AGAP1: variants seen among roughly 807,000 people sequenced by gnomAD.
The protein encoded by AGAP1 is arf-GAP with GTPase, ANK repeat and PH domain-containing protein 1.
AGAP1 carries 29 observed loss-of-function variants against 105.3 expected under a neutral mutation model. The observed-to-expected ratio is 0.28, with a 90% CI of 0.21 to 0.38. AGAP1 has a LOEUF of 0.38. Among genes scored for constraint, AGAP1 ranks in the 10% least tolerant of loss-of-function variants. The pLI is 1.00. For synonymous variants in AGAP1, 509 were observed against 485.9 expected (o/e 1.05, Z -0.63); for missense variants, 998 against 1,165.1 (o/e 0.86, Z 2.09).
intron 1 of AGAP1, among the ~76,000 whole-genome samples, chr2:235,565,704 G>A (rs985612941): frequency 6.6e-6 from 1 of 151,976 alleles, no homozygotes; most frequent in Non-Finnish European, 1.5e-5. Context: ...TCTGTCACCC[G>A]GGGTGGAGTG....
intron 1 of AGAP1, among the ~76,000 whole-genome samples, chr2:235,604,572 C>CTTTTTTTTTTTTTTTTTTT (rs1166523228): frequency 2.6e-4 from 18 of 69,680 alleles, no homozygotes; most frequent in African/African-American, 2.7e-4. Flanking sequence ...TTTTTATTAT[C>CTTTTTTTTTTTTTTTTTTT]TTTTTTTTTT....
In AGAP1 at chr2:235,964,277, A is replaced by G. The variant is rs1346484301; in HGVS notation, c.1484-4185A>G. On this transcript the variant is annotated intron_variant, in intron 12 of 17. Transcript: ENST00000304032. This position sits in a 1 kb window ranked among gnomAD's most constrained non-coding sequence, Gnocchi z 4.6. ...GACAGAGTAAAATAATATGATTTTA[A>G]TATAATAATATTACTTAATAGCGGC... 6.6e-6 allele frequency among the ~76,000 whole-genome samples: 1 copy of G among 152,204 alleles called. No homozygotes were observed. The highest frequency in any genetic ancestry group is 2.4e-5 in the African/African-American group (1 of 41,446).
chr2:235,778,094 T>C (rs1214073623), intron 6 of AGAP1, among the ~76,000 whole-genome samples: 1 of 152,148 alleles, frequency 6.6e-6, no homozygotes, highest in African/African-American at 2.4e-5. Flanking sequence ...AGCTGTGTCC[T>C]TGACATCACA....
Position 235,659,138 on chromosome 2 carries a change from C to G in AGAP1, c.164-50041C>G, listed in dbSNP as rs1461256959. On this transcript the variant is annotated intron_variant, in intron 1 of 17. Transcript: ENST00000304032. This position sits in a 1 kb window ranked among gnomAD's most constrained non-coding sequence, Gnocchi z 5.0. ...GGGGAAGGCCCTGGAGCTGGATTCC[C>G]ACACCCTGCCGAGTTTGTGCGTTTC... Among the ~76,000 whole-genome samples the G allele has an allele frequency of 6.6e-6, 1 of 152,234 alleles. No individual in the cohort carries two copies. The highest frequency in any genetic ancestry group is 1.5e-5 in the Non-Finnish European group (1 of 68,040).
intron 1 of AGAP1, among the ~76,000 whole-genome samples, chr2:235,681,047 C>T (rs568802842): frequency 3.9e-5 from 6 of 152,136 alleles, no homozygotes; most frequent in South Asian, 2.1e-4. Context: ...GTCGCTCTGT[C>T]GCCCAGGCTG....
In AGAP1 at chr2:235,967,208, G is replaced by A. The variant is rs565935488; in HGVS notation, c.1484-1254G>A. Among the ~76,000 whole-genome samples, 1 of 152,228 alleles carries A rather than the reference G, an allele frequency of 6.6e-6. No homozygotes were observed. The highest frequency in any genetic ancestry group is 1.9e-4 in the East Asian group (1 of 5,172). On this transcript the variant is annotated intron_variant, in intron 12 of 17. Transcript: ENST00000304032. The surrounding 1 kb of genome is among the most constrained non-coding windows in gnomAD (Gnocchi z 4.7). ...ACACCAGGCTCCCTCCTTGGAGCCA[G>A]GCTCTGACTGTTTCTCTGCTCTCAT...
chr2:235,710,535 C>G (rs569457396), intron 2 of AGAP1, among the ~76,000 whole-genome samples: 1 of 152,308 alleles, frequency 6.6e-6, no homozygotes, highest in East Asian at 1.9e-4. Flanking sequence ...TCTGGGCTGT[C>G]TCTGCAGCAC....
chr2:235,680,783 T>C (rs1949022350), intron 1 of AGAP1, among the ~76,000 whole-genome samples: 1 of 152,192 alleles, frequency 6.6e-6, no homozygotes, highest in South Asian at 2.1e-4. Flanking sequence ...CAGAATTGCC[T>C]GGCCTGGTGG....
rs2058099353 is a variant in AGAP1, at chr2:236,058,217, A to G, written c.2114+8936A>G. On this transcript the variant is annotated intron_variant, in intron 16 of 17. Coordinates refer to ENST00000304032, the MANE Select transcript of AGAP1 (RefSeq NM_001037131.3). The surrounding 1 kb of genome is among the most constrained non-coding windows in gnomAD (Gnocchi z 4.6). ...TAAAAGTCCACAATCTTGCCTGTGA[A>G]CTCACTGTGTTAATCCAAGTCCCTG... Among the ~76,000 whole-genome samples the G allele has an allele frequency of 6.6e-6, 1 of 152,104 alleles. No homozygotes were observed. Among genetic ancestry groups the G allele is most frequent in the Non-Finnish European group, 1.5e-5 (1 of 68,028 alleles).
At chr2:235,634,930 C>T (rs1201177217) in intron 1 of AGAP1, among the ~76,000 whole-genome samples, 1 of 152,076 alleles carries the variant, frequency 6.6e-6, no homozygotes, top group African/African-American at 2.4e-5. Context: ...ATGGAGCAGA[C>T]AGTGCCTGGT....
At chr2:235,945,826 G>T (rs1020525873) in intron 12 of AGAP1, among the ~76,000 whole-genome samples, 1 of 150,684 alleles carries the variant, frequency 6.6e-6, no homozygotes, top group East Asian at 2.0e-4. Flanking sequence ...CTTCCGGGGG[G>T]GTGCCTCGGG....
rs867377891 is a variant in AGAP1 at position 236,055,611 on chromosome 2, C to T, written c.2114+6330C>T. Among the ~76,000 whole-genome samples, 3 of 152,258 alleles carry T rather than the reference C, an allele frequency of 2.0e-5. No homozygotes were observed. The highest frequency in any genetic ancestry group is 7.2e-5 in the African/African-American group (3 of 41,474). On this transcript the variant is annotated intron_variant, in intron 16 of 17. Coordinates refer to ENST00000304032, the MANE Select transcript of AGAP1 (RefSeq NM_001037131.3). The surrounding 1 kb of genome is among the most constrained non-coding windows in gnomAD (Gnocchi z 6.2). ...AGCGGGTCCACCCTCCCAGTTTCCC[C>T]GTCCAGGCAGGGACTGTGCCCTGCT... is the stretch of plus-strand genomic sequence containing the variant.
intron 13 of AGAP1, among the ~76,000 whole-genome samples, chr2:236,017,198 C>T (rs769633145): frequency 3.3e-5 from 5 of 150,532 alleles, no homozygotes; most frequent in Non-Finnish European, 7.4e-5. Context: ...GAGGCTGAGG[C>T]AGGAGAATCG....
chr2:235,758,791 CG>C (rs1453868798), intron 6 of AGAP1, among the ~76,000 whole-genome samples: 1 of 148,758 alleles, frequency 6.7e-6, no homozygotes, highest in Non-Finnish European at 1.5e-5. Context: ...TCACGTAAGG[CG>C]TGTTGTTTTT....
chr2:235,499,378 A>G (rs530228938), intron 1 of AGAP1, among the ~76,000 whole-genome samples: 1 of 152,340 alleles, frequency 6.6e-6, no homozygotes, highest in East Asian at 1.9e-4. Context: ...CGGTTGATGC[A>G]GGTGTGCATG....
intron 16 of AGAP1, among the ~76,000 whole-genome samples, chr2:236,057,649 C>G (rs114868637): frequency 1.3e-5 from 2 of 152,224 alleles, no homozygotes; most frequent in Non-Finnish European, 2.9e-5. Flanking sequence ...TTGCAGAGAC[C>G]TCACAATCAT....
chr2:235,888,741 C>T lies in AGAP1; in HGVS notation c.1155+5292C>T, dbSNP rs993446974. 1.1e-4 allele frequency among the ~76,000 whole-genome samples: 17 copies of T among 151,896 alleles called. No individual in the cohort carries two copies. Among genetic ancestry groups the T allele is most frequent in the African/African-American group, 4.1e-4 (17 of 41,328 alleles). The stretch of plus-strand genomic sequence containing the variant: ...AAAAAGTTGATAGAGGCAGGTACAG[C>T]ATTTGTTGCTGTCGGGTAGAGCGGC... On this transcript the variant is annotated intron_variant, in intron 10 of 17. Transcript: ENST00000304032. This position sits in a 1 kb window ranked among gnomAD's most constrained non-coding sequence, Gnocchi z 4.8.
intron 1 of AGAP1, among the ~76,000 whole-genome samples, chr2:235,706,377 A>G (rs1477586830): frequency 6.6e-6 from 1 of 150,608 alleles, no homozygotes; most frequent in Non-Finnish European, 1.5e-5. Context: ...GGCGCCCGCC[A>G]CCACGCCCGG....
chr2:235,702,342 G>A (rs2149481759), intron 1 of AGAP1, among the ~76,000 whole-genome samples: 1 of 152,326 alleles, frequency 6.6e-6, no homozygotes, highest in African/African-American at 2.4e-5. Flanking sequence ...GAATGTGGGG[G>A]AGCCTTTAGC....
Sources: gnomAD v4.1 joint callset for allele counts (sites outside exome capture counted in the v4.1 genomes callset) on GRCh38, gnomAD v4.1.1 for gene constraint, Gnocchi (gnomAD v3.1) non-coding constraint, MANE v1.5 for transcripts, NCBI Gene and HGNC (gene_info 2026-07-23, HGNC 2026-07-21) for gene names.